Variants in SIM2 observed in about 807,000 individuals in gnomAD.
The protein encoded by SIM2 is single-minded homolog 2.
In SIM2, 28 loss-of-function variants were observed where a neutral mutation model predicts 64.8. The ratio of observed to expected loss-of-function variants is 0.43; its 90% CI spans 0.32 to 0.59. The LOEUF (loss-of-function observed/expected upper bound fraction) is 0.59, where lower values mean the gene tolerates loss of function less well. SIM2 is among the 20% of genes least tolerant of loss of function. SIM2 has a pLI of 0.07. For missense variants in SIM2, 847 were observed against 871.4 expected (o/e 0.97, Z 0.35); for synonymous variants, 408 against 391.1 (o/e 1.04, Z -0.51).
Position 36,723,123 on chromosome 21 carries a change from G to A in SIM2, c.536G>A (p.Gly179Glu), listed in dbSNP as rs1435825728. ...AKRNAGLTCS[G>E]YKVIHCSGYL... ...AGGAACGCGGGCCTGACCTGCAGCGGATACAAGGTACGGGGAGTCATGGGT... is the reference window on the plus strand; with the variant it reads ...AGGAACGCGGGCCTGACCTGCAGCGAATACAAGGTACGGGGAGTCATGGGT... Residue 179 changes from glycine to glutamate, a missense_variant, in exon 5 of 11, where the codon GGA becomes GAA. By Grantham distance (98) the Gly-to-Glu change is moderately conservative. Transcript: ENST00000290399. 6.2e-7 allele frequency: 1 copy of A among 1,614,040 alleles called. No individual in the cohort carries two copies.
At chr21:36,729,649 C>T (rs961690856) in intron 6 of SIM2, among the ~76,000 whole-genome samples, 7 of 152,296 alleles carry the variant, frequency 4.6e-5, no homozygotes, top group African/African-American at 1.4e-4. Context: ...CGACCTCACC[C>T]GGCCCCCAGG....
rs1326630784 is a variant in SIM2, at chr21:36,699,779, C to T, written c.33C>T (p.Thr11=). 1 of 1,613,042 alleles carries T rather than the reference C, an allele frequency of 6.2e-7. No homozygotes were observed. The highest frequency in any genetic ancestry group is 1.7e-5 in the Admixed American group (1 of 59,976). ...AGAAGTCCAAGAATGCGGCCAAGACCAGGAGGGAGAAGGAAAATGGCGAGT... is the reference window on the plus strand; with the variant it reads ...AGAAGTCCAAGAATGCGGCCAAGACTAGGAGGGAGAAGGAAAATGGCGAGT... The part of the protein sequence containing the change: MKEKSKNAAK[T]RREKENGEFY... The change falls in exon 1 of 11, where the codon ACC becomes ACT. Residue 11 remains threonine (T), a synonymous_variant. Coordinates refer to ENST00000290399, the MANE Select transcript of SIM2 (RefSeq NM_005069.6). This position sits in a 1 kb window ranked among gnomAD's most constrained non-coding sequence, Gnocchi z 5.6.
At chr21:36,713,680 A>G (rs2088706847) in intron 3 of SIM2, among the ~76,000 whole-genome samples, 1 of 152,212 alleles carries the variant, frequency 6.6e-6, no homozygotes, top group Non-Finnish European at 1.5e-5. Flanking sequence ...TCATTGAAAA[A>G]CAAAATGACC....
At chr21:36,713,165 T>A (rs1350075790) in intron 3 of SIM2, among the ~76,000 whole-genome samples, 1 of 152,252 alleles carries the variant, frequency 6.6e-6, no homozygotes, top group Non-Finnish European at 1.5e-5. Context: ...GCATTTTATA[T>A]GCTTGTGATA....
intron 4 of SIM2, 39 bp downstream of exon 4, chr21:36,719,968 G>A (rs1381832742): frequency 7.4e-7 from 1 of 1,355,790 alleles, no homozygotes; most frequent in Admixed American, 1.7e-5. Context: ...CAGACTAAAA[G>A]CAAGGCGACA....
chr21:36,709,976 C>T, intron 2 of SIM2: 1 of 159,612 alleles, frequency 6.3e-6, no homozygotes, highest in Non-Finnish European at 1.4e-5. Context: ...TTGCAGGCAC[C>T]CGCCATCATG....
At chr21:36,702,673 C>A (rs1030157502) in intron 1 of SIM2, among the ~76,000 whole-genome samples, 4 of 152,178 alleles carry the variant, frequency 2.6e-5, no homozygotes, top group Non-Finnish European at 5.9e-5. Context: ...TTAACCTCTT[C>A]TCAGGGGACC....
At chr21:36,744,311 C>CCAAAA in intron 9 of SIM2, among the ~76,000 whole-genome samples, 1 of 41,766 alleles carries the variant, frequency 2.4e-5, no homozygotes, top group South Asian at 1.1e-3. Flanking sequence ...CACATTATGA[C>CCAAAA]AAAAAAAAAA....
At chr21:36,743,602 G>T in intron 9 of SIM2, 47 bp downstream of exon 9, 1 of 1,570,006 alleles carries the variant, frequency 6.4e-7, no homozygotes, top group South Asian at 1.2e-5. Context: ...TCTATCCTAG[G>T]GGTTCGGGAC....
chr21:36,704,186 C>T (rs1016184898), intron 1 of SIM2, among the ~76,000 whole-genome samples: 2 of 152,230 alleles, frequency 1.3e-5, no homozygotes, highest in African/African-American at 4.8e-5. Context: ...GCCCCCATCA[C>T]CACTTCCACC....
At position 36,748,269 on chromosome 21, in the gene SIM2, C is replaced by A; in HGVS notation, c.*177C>A. 3.6e-6 allele frequency: 1 copy of A among 280,884 alleles called. No individual in the cohort carries two copies. The highest frequency in any genetic ancestry group is 6.0e-6 in the Non-Finnish European group (1 of 167,544). The allele number at this position is 280,884 out of a possible 1,614,324, so 17.4% of individuals were successfully genotyped here. A position where few individuals can be genotyped will look rare whatever the true frequency, so the allele number is the denominator to read the frequency against. The stretch of plus-strand genomic sequence containing the variant: ...GGCCCCGCGCGCCGGTGCCGAGGGC[C>A]GAGGAGCGCCCGGGTCCGGGCAGGT... On this transcript the variant is annotated 3_prime_UTR_variant, in exon 11 of 11. Transcript: ENST00000290399.
chr21:36,724,477 G>C (rs2088864378), intron 5 of SIM2, among the ~76,000 whole-genome samples: 1 of 152,206 alleles, frequency 6.6e-6, no homozygotes, highest in Admixed American at 6.5e-5. Flanking sequence ...ATGGGGTCTT[G>C]CTGTGTTTCC....
At chr21:36,703,685 G>A (rs1406827962) in intron 1 of SIM2, among the ~76,000 whole-genome samples, 1 of 152,268 alleles carries the variant, frequency 6.6e-6, no homozygotes, top group Non-Finnish European at 1.5e-5. Flanking sequence ...AACTTGATGA[G>A]TCTTGGAGGG....
In SIM2 at chr21:36,699,906, G is replaced by T. The variant is rs750361630; in HGVS notation, c.160G>T (p.Ala54Ser). The T allele has an allele frequency of 6.2e-7, 1 of 1,603,140 alleles. No individual in the cohort carries two copies. Among genetic ancestry groups the T allele is most frequent in the South Asian group, 1.1e-5 (1 of 88,958 alleles). The change falls in exon 1 of 11, where the codon GCC becomes TCC. Residue 54 changes from alanine (A) to serine (S), a missense_variant. Around this residue, in one of 3 missense-constraint regions of SIM2, gnomAD observed 397 missense variants for 439.2 expected, o/e 0.90. Transcript: ENST00000290399. The surrounding 1 kb of genome is among the most constrained non-coding windows in gnomAD (Gnocchi z 5.6). ...CACCACGAGCTACCTGAAGATGCGC[G>T]CCGTCTTCCCCGAAGGTGAGGCCTC... Reference protein sequence around the residue: ...RLTTSYLKMRAVFPEGLGDAW... With the variant: ...RLTTSYLKMRSVFPEGLGDAW...
intron 8 of SIM2, among the ~76,000 whole-genome samples, chr21:36,742,870 T>C (rs550604103): frequency 2.4e-4 from 36 of 152,314 alleles, no homozygotes; most frequent in African/African-American, 8.2e-4. Context: ...GTTCTCCAGG[T>C]CGACCTCTCC....
chr21:36,729,265 T>C (rs2088934345), intron 6 of SIM2, among the ~76,000 whole-genome samples: 5 of 152,092 alleles, frequency 3.3e-5, no homozygotes. Flanking sequence ...AACAGACGGC[T>C]CAATTTTCCT....
Position 36,726,444 on chromosome 21 carries a change from TA to T in SIM2, c.743+128del. ...AATAAGTCATAATAGGAATGTGGAT[TA>T]AGCAAAACCAATTTATGAACTGAAA... On this transcript the variant is annotated intron_variant, in intron 6 of 10. Coordinates refer to ENST00000290399, the MANE Select transcript of SIM2 (RefSeq NM_005069.6). The surrounding 1 kb of genome is among the most constrained non-coding windows in gnomAD (Gnocchi z 4.5). 2.6e-6 allele frequency: 2 copies of T among 770,302 alleles called. No homozygotes were observed. Among genetic ancestry groups the T allele is most frequent in the East Asian group, 5.4e-5 (2 of 36,948 alleles). 47.7% of individuals were successfully genotyped at this position (770,302 alleles called of 1,614,324 possible). A position where few individuals can be genotyped will look rare whatever the true frequency, so the allele number is the denominator to read the frequency against.
Position 36,747,556 on chromosome 21 carries a change from G to A in SIM2, c.1577-109G>A. On this transcript the variant is annotated intron_variant, in intron 10 of 10. Transcript: ENST00000290399. The surrounding 1 kb of genome is among the most constrained non-coding windows in gnomAD (Gnocchi z 4.5). ...GGGGGAGGGCGACAGCGACCCCGCG[G>A]GTGCAGCGCGTGGGCGGCCGAGGGG... 2 of 714,130 alleles carry A rather than the reference G, an allele frequency of 2.8e-6. No homozygotes were observed. Among genetic ancestry groups the A allele is most frequent in the Non-Finnish European group, 3.7e-6 (2 of 546,992 alleles). The allele number at this position is 714,130 out of a possible 1,614,324, so 44.2% of individuals were successfully genotyped here. A position where few individuals can be genotyped will look rare whatever the true frequency, so the allele number is the denominator to read the frequency against.
At chr21:36,709,489 C>T (rs779811481) in intron 2 of SIM2, 51 of 665,656 alleles carry the variant, frequency 7.7e-5, no homozygotes, top group Non-Finnish European at 1.3e-4. Flanking sequence ...GGCCCCAGGA[C>T]TCCCCAGGCC....
Sources: allele counts gnomAD v4.1 joint callset (sites outside exome capture counted in the v4.1 genomes callset), GRCh38; gene constraint gnomAD v4.1.1; regional missense constraint gnomAD v4.1.1; non-coding constraint Gnocchi (gnomAD v3.1); transcripts MANE v1.5; gene names NCBI Gene and HGNC (gene_info 2026-07-23, HGNC 2026-07-21).